Variants in USP12 observed in about 807,000 individuals in gnomAD.
USP12 encodes ubiquitin specific peptidase 12, also known as ubiquitin carboxyl-terminal hydrolase 12.
In USP12, 19 loss-of-function variants were observed where a neutral mutation model predicts 45.5. The observed-to-expected ratio is 0.42, with a 90% CI of 0.29 to 0.61. The LOEUF is 0.61. Among genes scored for constraint, USP12 ranks in the 20% least tolerant of loss-of-function variants. The probability of loss-of-function intolerance (pLI) is 0.22; values close to 1 mark genes in which losing one functional copy is unlikely to be tolerated. For missense variants in USP12, 242 were observed against 447.7 expected, an observed-to-expected ratio of 0.54 and a Z score of 4.15; for synonymous variants, 149 against 148.8, an observed-to-expected ratio of 1.00 and a Z score of -0.01.
chr13:27,077,857 T>C (rs2137757086), intron 6 of USP12: 1 of 152,188 alleles, frequency 6.6e-6, no homozygotes, highest in Non-Finnish European at 1.5e-5. Flanking sequence ...CCATTCAAAC[T>C]TGTGGGGAGG....
chr13:27,090,758 TG>T (rs1385066111), intron 4 of USP12, among the ~76,000 whole-genome samples: 1 of 152,196 alleles, frequency 6.6e-6, no homozygotes, highest in Non-Finnish European at 1.5e-5. Flanking sequence ...TGAAGGTACG[TG>T]TGCAACAGGA....
chr13:27,138,350 T>C (rs1876903455), intron 1 of USP12, among the ~76,000 whole-genome samples: 1 of 152,096 alleles, frequency 6.6e-6, no homozygotes. Flanking sequence ...TATGAACAAG[T>C]CTATTAAAGG....
chr13:27,163,768 TAAAAAAAAAAAAAAAAAGA>T (rs1334833478), intron 1 of USP12, among the ~76,000 whole-genome samples: 37 of 83,298 alleles, frequency 4.4e-4, no homozygotes, highest in South Asian at 1.7e-3. Context: ...AGACCTGTCT[TAAAAAAAAAAAAAAAAAGA>T]AAAAAAAAAA....
At chr13:27,108,960 G>A (rs1294651858) in intron 2 of USP12, among the ~76,000 whole-genome samples, 1 of 152,174 alleles carries the variant, frequency 6.6e-6, no homozygotes, top group African/African-American at 2.4e-5. Flanking sequence ...ATACATATGT[G>A]TGTGTGTGTG....
At chr13:27,105,995 A>G in intron 2 of USP12, 51 bp from the exon 3 acceptor site, 4 of 1,487,124 alleles carry the variant, frequency 2.7e-6, no homozygotes, top group Non-Finnish European at 3.6e-6. Context: ...CACATTTTCA[A>G]GAGAGAAATT....
rs186457138 is a variant in USP12, at chr13:27,137,877, G to A, written c.49-21281C>T. On this transcript the variant is annotated intron_variant, in intron 1 of 8. Coordinates refer to ENST00000282344, the MANE Select transcript of USP12 (RefSeq NM_182488.4). The stretch of plus-strand genomic sequence containing the variant: ...ATTGGCTTGGAAGGAGCAAGCTGCC[G>A]CGCTGAGAGGACTTATGGAGAGGGC... Among the ~76,000 whole-genome samples, 106 of 152,360 alleles carry A rather than the reference G, an allele frequency of 7.0e-4. 1 individual carries two copies. Among genetic ancestry groups the A allele is most frequent in the East Asian group, 4.0e-3 (21 of 5,192 alleles).
chr13:27,067,772 TAAAG>T lies in USP12; in HGVS notation c.*1507_*1510del, dbSNP rs761851598. 8 of 152,180 alleles carry T rather than the reference TAAAG, an allele frequency of 5.3e-5. No individual in the cohort carries two copies. Among genetic ancestry groups the T allele is most frequent in the Non-Finnish European group, 7.4e-5 (5 of 68,016 alleles). 9.4% of individuals were successfully genotyped at this position (152,180 alleles called of 1,614,324 possible). ...AATTTACTGCCTGAAAAGAGTTTAA[TAAAG>T]AACATCCAAGGCCTGATTGCTATTA... is the stretch of plus-strand genomic sequence containing the variant. On this transcript the variant is annotated 3_prime_UTR_variant, in exon 9 of 9. Coordinates refer to ENST00000282344, the MANE Select transcript of USP12 (RefSeq NM_182488.4).
chr13:27,073,217 G>C (rs980208240), intron 7 of USP12, among the ~76,000 whole-genome samples: 1 of 152,126 alleles, frequency 6.6e-6, no homozygotes, highest in Non-Finnish European at 1.5e-5. Flanking sequence ...ACCCTGGGGT[G>C]GGGGCGGGAT....
intron 2 of USP12, among the ~76,000 whole-genome samples, chr13:27,115,439 C>T (rs1465993040): frequency 6.6e-6 from 1 of 152,140 alleles, no homozygotes; most frequent in African/African-American, 2.4e-5. Context: ...TTCCTCAAAT[C>T]CATGAGAAAC....
intron 1 of USP12, among the ~76,000 whole-genome samples, chr13:27,163,170 T>C (rs993697456): frequency 2.6e-5 from 4 of 152,194 alleles, no homozygotes; most frequent in African/African-American, 9.7e-5. Flanking sequence ...GTTTCTTATA[T>C]CCTCATGACT....
intron 1 of USP12, among the ~76,000 whole-genome samples, chr13:27,132,052 A>G (rs539127575): frequency 7.9e-5 from 12 of 152,310 alleles, no homozygotes; most frequent in Non-Finnish European, 2.9e-5. Flanking sequence ...AGATTTACCA[A>G]TTCTCATATA....
In USP12 at chr13:27,166,622, T is replaced by A. The variant is rs529094379; in HGVS notation, c.48+4970A>T. 2.0e-5 allele frequency among the ~76,000 whole-genome samples: 3 copies of A among 152,296 alleles called. No individual in the cohort carries two copies. In the East Asian group the frequency reaches 5.8e-4, roughly 29 times the overall value. On this transcript the variant is annotated intron_variant, in intron 1 of 8. Transcript: ENST00000282344. Reference sequence around the variant, plus strand: ...AGTCACCAGAAGGTAAGCAAAGCCATATGATATAAAATAAGACCATAATAT... The same window carrying A: ...AGTCACCAGAAGGTAAGCAAAGCCAAATGATATAAAATAAGACCATAATAT...
In USP12 at chr13:27,153,564, C is replaced by T. The variant is rs190677321; in HGVS notation, c.48+18028G>A. Among the ~76,000 whole-genome samples the T allele has an allele frequency of 4.6e-5, 7 of 152,260 alleles. No individual in the cohort carries two copies. In the East Asian group the frequency reaches 1.4e-3, roughly 29 times the overall value. On this transcript the variant is annotated intron_variant, in intron 1 of 8. Coordinates refer to ENST00000282344, the MANE Select transcript of USP12 (RefSeq NM_182488.4). ...CTGTGCTATCATCCATTAATCGGTA[C>T]ATTAGAGTTACAGATCCTTTTAGTA...
chr13:27,120,265 C>T (rs972288864), intron 1 of USP12, among the ~76,000 whole-genome samples: 3 of 152,208 alleles, frequency 2.0e-5, no homozygotes, highest in African/African-American at 7.2e-5. Context: ...TCCATTCCCA[C>T]ATTTGAGAAG....
At chr13:27,125,055 G>C in intron 1 of USP12, among the ~76,000 whole-genome samples, 1 of 152,172 alleles carries the variant, frequency 6.6e-6, no homozygotes, top group Non-Finnish European at 1.5e-5. Flanking sequence ...ACCCATTAGT[G>C]AGTGGTGAGG....
At chr13:27,118,580 A>G (rs564735262) in intron 1 of USP12, among the ~76,000 whole-genome samples, 75 of 152,302 alleles carry the variant, frequency 4.9e-4, no homozygotes, top group African/African-American at 1.8e-3. Flanking sequence ...TCCCTGACAT[A>G]TGTTGAAAAT....
At chr13:27,075,679 G>A (rs1390067811) in intron 6 of USP12, among the ~76,000 whole-genome samples, 1 of 152,164 alleles carries the variant, frequency 6.6e-6, no homozygotes, top group Non-Finnish European at 1.5e-5. Context: ...TAAGGAATCT[G>A]TATTTTTCAA....
chr13:27,094,195 A>AAT (rs1392408158), intron 4 of USP12, among the ~76,000 whole-genome samples: 1 of 151,280 alleles, frequency 6.6e-6, no homozygotes, highest in African/African-American at 2.4e-5. Flanking sequence ...AAAAAAAAAA[A>AAT]AAAAGTCATC....
At chr13:27,084,949 T>C (rs1001314401) in intron 6 of USP12, among the ~76,000 whole-genome samples, 3 of 152,198 alleles carry the variant, frequency 2.0e-5, no homozygotes, top group Admixed American at 6.5e-5. Context: ...TGATAGGGAC[T>C]GCACTGAATC....
Sources: allele counts gnomAD v4.1 joint callset (sites outside exome capture counted in the v4.1 genomes callset), GRCh38; gene constraint gnomAD v4.1.1; transcripts MANE v1.5; gene names NCBI Gene and HGNC (gene_info 2026-07-23, HGNC 2026-07-21).